Variants in TRAF3 observed in about 807,000 individuals in gnomAD.
The protein encoded by TRAF3 is TNF receptor associated factor 3, also known as TNF receptor-associated factor 3.
In TRAF3, 13 loss-of-function variants were observed where a neutral mutation model predicts 62.3. That is an observed-to-expected ratio of 0.21 (90% CI 0.14 to 0.33). The LOEUF (loss-of-function observed/expected upper bound fraction) is 0.33, where lower values mean the gene tolerates loss of function less well. Ranked by LOEUF, TRAF3 falls within the 10% of genes least tolerant of loss-of-function variation. The probability of loss-of-function intolerance (pLI) is 1.00; values close to 1 mark genes in which losing one functional copy is unlikely to be tolerated. For synonymous variants in TRAF3, 269 were observed against 283.4 expected (o/e 0.95, Z 0.51); for missense variants, 440 against 741.8 (o/e 0.59, Z 4.73).
At chr14:102,897,682 C>T (rs750450899) in intron 10 of TRAF3, among the ~76,000 whole-genome samples, 5 of 152,178 alleles carry the variant, frequency 3.3e-5, no homozygotes, top group South Asian at 2.1e-4. Flanking sequence ...AAATAAGATG[C>T]GAAGCTTGTA....
At chr14:102,865,057 T>A (rs1399493915) in intron 2 of TRAF3, among the ~76,000 whole-genome samples, 3 of 152,212 alleles carry the variant, frequency 2.0e-5, no homozygotes, top group Non-Finnish European at 4.4e-5. Flanking sequence ...TTGTCCTATT[T>A]GCTTCAGGAG....
intron 2 of TRAF3, among the ~76,000 whole-genome samples, chr14:102,834,798 G>A (rs556139594): frequency 1.1e-4 from 17 of 151,746 alleles, no homozygotes; most frequent in African/African-American, 4.1e-4. Flanking sequence ...TAAAAACCCT[G>A]CAAGACAACC....
At position 102,784,649 on chromosome 14, in the gene TRAF3, C is replaced by T. The variant is rs550019798; in HGVS notation, c.-157+6974C>T. On this transcript the variant is annotated intron_variant, in intron 1 of 11. Coordinates refer to ENST00000392745, the MANE Select transcript of TRAF3 (RefSeq NM_145725.3). ...AAAGCTAAAAAGTCAGATAGGATGC[C>T]GTCTGATCTCTGTTTTCAAGGAGCT... 5.3e-5 allele frequency among the ~76,000 whole-genome samples: 8 copies of T among 152,218 alleles called. No homozygotes were observed. The South Asian group carries it at 1.5e-3, about 28-fold the overall frequency.
At chr14:102,852,154 C>T (rs899063001) in intron 2 of TRAF3, among the ~76,000 whole-genome samples, 7 of 151,942 alleles carry the variant, frequency 4.6e-5, no homozygotes, top group African/African-American at 1.7e-4. Flanking sequence ...ATTTTTTTTA[C>T]AGACAAGGTC....
intron 2 of TRAF3, among the ~76,000 whole-genome samples, chr14:102,852,291 T>C (rs1887092029): frequency 6.6e-6 from 1 of 152,072 alleles, no homozygotes. Flanking sequence ...TAGAAAAAAT[T>C]AGCCTTTTAG....
At chr14:102,894,615 A>C (rs1889904555) in intron 9 of TRAF3, among the ~76,000 whole-genome samples, 1 of 152,216 alleles carries the variant, frequency 6.6e-6, no homozygotes, top group South Asian at 2.1e-4. Flanking sequence ...TGGGAGTTGG[A>C]TTCTTCGATT....
intron 1 of TRAF3, among the ~76,000 whole-genome samples, chr14:102,779,269 CTTTTTTTTTTT>C (rs61309052): frequency 0.058 from 7,116 of 123,466 alleles, 685 homozygotes; most frequent in African/African-American, 0.24. Flanking sequence ...AGAATTCCAG[CTTTTTTTTTTT>C]TTTTTTTTTT....
At chr14:102,856,399 G>A (rs962495657) in intron 2 of TRAF3, among the ~76,000 whole-genome samples, 2 of 152,290 alleles carry the variant, frequency 1.3e-5, no homozygotes, top group South Asian at 4.1e-4. Flanking sequence ...GCAACTTCCT[G>A]ACGTTGCCAT....
chr14:102,819,419 C>T (rs747185035), intron 1 of TRAF3, among the ~76,000 whole-genome samples: 5 of 152,246 alleles, frequency 3.3e-5, no homozygotes, highest in Non-Finnish European at 5.9e-5. Flanking sequence ...AGGGCAGGCA[C>T]GGCAGTCTTG....
intron 1 of TRAF3, among the ~76,000 whole-genome samples, chr14:102,801,589 C>G (rs937678549): frequency 6.6e-6 from 1 of 152,014 alleles, no homozygotes; most frequent in Non-Finnish European, 1.5e-5. Context: ...GGCTGAGGTG[C>G]AGTAGTACAA....
At chr14:102,891,189 G>A (rs1323434347) in intron 8 of TRAF3, 136 bp from the exon 9 acceptor site, 2 of 841,796 alleles carry the variant, frequency 2.4e-6, no homozygotes, top group Non-Finnish European at 3.8e-6. Flanking sequence ...CTTAGGCGCA[G>A]AGATTCCCTG....
At chr14:102,898,795 T>G (rs1890130290) in intron 10 of TRAF3, among the ~76,000 whole-genome samples, 1 of 152,258 alleles carries the variant, frequency 6.6e-6, no homozygotes, top group African/African-American at 2.4e-5. Context: ...TTTAGTCGAG[T>G]TTAATCACTC....
Position 102,903,628 on chromosome 14 carries a change from T to C in TRAF3, c.1135+199T>C, listed in dbSNP as rs772262061. 7 of 810,018 alleles carry C rather than the reference T, an allele frequency of 8.6e-6. No homozygotes were observed. The highest frequency in any genetic ancestry group is 6.8e-5 in the African/African-American group (4 of 59,118). The allele number at this position is 810,018 out of a possible 1,614,324, so 50.2% of individuals were successfully genotyped here. On this transcript the variant is annotated intron_variant, in intron 11 of 11. Coordinates refer to ENST00000392745, the MANE Select transcript of TRAF3 (RefSeq NM_145725.3). The surrounding 1 kb of genome is among the most constrained non-coding windows in gnomAD (Gnocchi z 6.4). ...AAGACAAACGTTTCCCGCGCAGGCT[T>C]GTCCCCTCCGTGTGAGGCCCTACAT...
At chr14:102,889,451 A>T in intron 7 of TRAF3, 109 bp from the exon 8 acceptor site, 1 of 1,148,942 alleles carries the variant, frequency 8.7e-7, no homozygotes. Flanking sequence ...ACCTGTAGCG[A>T]TAAACACCAT....
Position 102,903,941 on chromosome 14 carries a change from A to AT in TRAF3, c.1135+514dup, listed in dbSNP as rs1890444023. 1 of 387,956 alleles carries AT rather than the reference A, an allele frequency of 2.6e-6. No homozygotes were observed. Among genetic ancestry groups the AT allele is most frequent in the African/African-American group, 2.1e-5 (1 of 48,028 alleles). The allele number at this position is 387,956 out of a possible 1,614,324, so 24.0% of individuals were successfully genotyped here. A position where few individuals can be genotyped will look rare whatever the true frequency, so the allele number is the denominator to read the frequency against. On this transcript the variant is annotated intron_variant, in intron 11 of 11. Coordinates refer to ENST00000392745, the MANE Select transcript of TRAF3 (RefSeq NM_145725.3). The surrounding 1 kb of genome is among the most constrained non-coding windows in gnomAD (Gnocchi z 6.4). Reference sequence around the variant, plus strand: ...GGATTAATGGCAGAAAGGAACACAGATTACCGGTGTGTGTGTGGGGCCGGA... The same window carrying AT: ...GGATTAATGGCAGAAAGGAACACAGATTTACCGGTGTGTGTGTGGGGCCGGA...
At chr14:102,819,635 A>T (rs553407637) in intron 1 of TRAF3, among the ~76,000 whole-genome samples, 1 of 152,170 alleles carries the variant, frequency 6.6e-6, no homozygotes, top group Non-Finnish European at 1.5e-5. Context: ...TGTTGTTGTC[A>T]TCTAACAGTC....
intron 9 of TRAF3, chr14:102,895,003 A>G: frequency 2.2e-6 from 1 of 449,286 alleles, no homozygotes; most frequent in Non-Finnish European, 4.5e-6. Flanking sequence ...CAGCTGGCCT[A>G]TTGACAATGT....
rs183540339 is a variant in TRAF3, at chr14:102,783,438, A to G, written c.-157+5763A>G. 5.4e-3 allele frequency among the ~76,000 whole-genome samples: 818 copies of G among 152,338 alleles called. 6 individuals are homozygous for G. Among genetic ancestry groups the G allele is most frequent in the Admixed American group, 9.8e-3 (150 of 15,294 alleles). On this transcript the variant is annotated intron_variant, in intron 1 of 11. Coordinates refer to ENST00000392745, the MANE Select transcript of TRAF3 (RefSeq NM_145725.3). ...AGCTCTTTCATGTCCAGTAATTCCC[A>G]GAAATTATAACTTTATGCTGGAAAT...
At position 102,817,352 on chromosome 14, in the gene TRAF3, A is replaced by G. The variant is rs796917240; in HGVS notation, c.-156-12982A>G. 2.0e-5 allele frequency among the ~76,000 whole-genome samples: 3 copies of G among 152,124 alleles called. No individual in the cohort carries two copies. The South Asian group carries it at 6.2e-4, about 32-fold the overall frequency. On this transcript the variant is annotated intron_variant, in intron 1 of 11. Coordinates refer to ENST00000392745, the MANE Select transcript of TRAF3 (RefSeq NM_145725.3). ...GTGGAAGTTTTCAGGGGAGAATGGG[A>G]TGTGTGTGTTAACAGCTTCTTGAAA...
Sources: allele counts gnomAD v4.1 joint callset (sites outside exome capture counted in the v4.1 genomes callset), GRCh38; gene constraint gnomAD v4.1.1; non-coding constraint Gnocchi (gnomAD v3.1); transcripts MANE v1.5; gene names NCBI Gene and HGNC (gene_info 2026-07-23, HGNC 2026-07-21).